Variants in CPED1 observed in about 807,000 individuals in gnomAD.
CPED1 encodes the protein cadherin-like and PC-esterase domain-containing protein 1.
Under a neutral mutation model 128.2 loss-of-function variants are expected in CPED1, and 114 were observed. The observed-to-expected ratio is 0.89, with a 90% CI of 0.76 to 1.04. The LOEUF (loss-of-function observed/expected upper bound fraction) is 1.04. Among genes scored for constraint, CPED1 ranks in the 50% least tolerant of loss-of-function variants. The pLI is 0.00. For synonymous variants in CPED1, 462 were observed against 426.7 expected (o/e 1.08, Z -1.02); for missense variants, 1,211 against 1,207.1 (o/e 1.00, Z -0.05).
intron 16 of CPED1, among the ~76,000 whole-genome samples, chr7:121,196,005 G>C (rs1037466827): frequency 5.9e-5 from 9 of 151,956 alleles, no homozygotes; most frequent in East Asian, 1.9e-4. Context: ...CTAGAAGGCC[G>C]GGGGGAGATG....
intron 7 of CPED1, among the ~76,000 whole-genome samples, chr7:121,114,065 C>T (rs888737174): frequency 1.4e-4 from 22 of 152,046 alleles, no homozygotes; most frequent in African/African-American, 4.1e-4. Context: ...CTCCTGACCT[C>T]GTGATCCACC....
chr7:121,244,082 A>T, intron 17 of CPED1, 120 bp from the exon 18 acceptor site: 4 of 1,168,058 alleles, frequency 3.4e-6, no homozygotes, highest in Non-Finnish European at 5.1e-6. Flanking sequence ...CACTAGATTT[A>T]AAGGATAAGG....
intron 16 of CPED1, among the ~76,000 whole-genome samples, chr7:121,214,720 T>A (rs764506320): frequency 1.3e-5 from 2 of 152,094 alleles, no homozygotes; most frequent in Non-Finnish European, 2.9e-5. Context: ...TGTTAGAATA[T>A]GTTTAAACTA....
chr7:121,073,597 C>G (rs754313712), intron 5 of CPED1, among the ~76,000 whole-genome samples: 11 of 152,166 alleles, frequency 7.2e-5, no homozygotes, highest in Non-Finnish European at 1.0e-4. Flanking sequence ...TTGTGTAATG[C>G]GAACCCTTCT....
intron 16 of CPED1, among the ~76,000 whole-genome samples, chr7:121,218,320 G>A (rs927345960): frequency 6.6e-6 from 1 of 151,830 alleles, no homozygotes; most frequent in Admixed American, 6.6e-5. Flanking sequence ...TTGTAGACAG[G>A]AAATGTCCAC....
At position 121,141,024 on chromosome 7, in the gene CPED1, T is replaced by C. The variant is rs1795890733; in HGVS notation, c.1886+11T>C. 2 of 1,601,446 alleles carry C rather than the reference T, an allele frequency of 1.2e-6. No individual in the cohort carries two copies. Among genetic ancestry groups the C allele is most frequent in the African/African-American group, 1.3e-5 (1 of 74,172 alleles). On this transcript the variant is annotated intron_variant, in intron 15 of 22. Transcript: ENST00000310396. ...GCAGGCAGGGCCAAGGTATGAGATG[T>C]TGACTGGGGCTGTGTTGAGACACTA... is the stretch of plus-strand genomic sequence containing the variant.
At chr7:121,284,483 T>C (rs1252075902) in intron 22 of CPED1, among the ~76,000 whole-genome samples, 1 of 152,080 alleles carries the variant, frequency 6.6e-6, no homozygotes, top group Non-Finnish European at 1.5e-5. Context: ...TAAAATCTCA[T>C]CTGAGACAAG....
At chr7:120,999,923 A>T (rs972164719) in intron 2 of CPED1, among the ~76,000 whole-genome samples, 6 of 152,192 alleles carry the variant, frequency 3.9e-5, no homozygotes, top group African/African-American at 1.4e-4. Context: ...GTATCAAAGA[A>T]TTAATCATTT....
In CPED1 at chr7:121,172,245, A is replaced by G. The variant is rs750288575; in HGVS notation, c.2055+30104A>G. Reference sequence around the variant, plus strand: ...ATAGCTTGAATGCTTGGAGAGACATATATTTATAGTATTACAGATAAATGA... The same window carrying G: ...ATAGCTTGAATGCTTGGAGAGACATGTATTTATAGTATTACAGATAAATGA... On this transcript the variant is annotated intron_variant, in intron 16 of 22. Transcript: ENST00000310396. Among the ~76,000 whole-genome samples, 30 of 152,276 alleles carry G rather than the reference A, an allele frequency of 2.0e-4. No homozygotes were observed. In the East Asian group the frequency reaches 5.8e-3, roughly 29 times the overall value.
At chr7:121,230,072 C>T (rs1053483858) in intron 16 of CPED1, among the ~76,000 whole-genome samples, 9 of 151,940 alleles carry the variant, frequency 5.9e-5, no homozygotes, top group Non-Finnish European at 1.3e-4. Flanking sequence ...AGGAAGATGA[C>T]GTTAGCAACA....
intron 3 of CPED1, among the ~76,000 whole-genome samples, chr7:121,023,242 G>C (rs1250584834): frequency 6.6e-6 from 1 of 152,092 alleles, no homozygotes; most frequent in Non-Finnish European, 1.5e-5. Flanking sequence ...TTTCTGGGAG[G>C]CCCTGTAGTA....
intron 7 of CPED1, among the ~76,000 whole-genome samples, chr7:121,112,692 A>C (rs1393060942): frequency 1.2e-4 from 18 of 152,076 alleles, no homozygotes; most frequent in Non-Finnish European, 2.4e-4. Flanking sequence ...TAAATATCTC[A>C]TTGGCCAAAG....
At chr7:121,113,875 C>T (rs1466812957) in intron 7 of CPED1, among the ~76,000 whole-genome samples, 1 of 151,996 alleles carries the variant, frequency 6.6e-6, no homozygotes, top group Non-Finnish European at 1.5e-5. Flanking sequence ...GTCGCCCAGG[C>T]TTGAGTGCAG....
At chr7:121,038,288 T>C (rs1792955451) in intron 3 of CPED1, among the ~76,000 whole-genome samples, 1 of 152,146 alleles carries the variant, frequency 6.6e-6, no homozygotes, top group East Asian at 1.9e-4. Context: ...GTAGACGGCT[T>C]TTAGTACCTT....
rs954970134 is a variant in CPED1, at chr7:121,133,352, G to T, written c.1578-471G>T. ...TAACTAACCCTTGCTATTCACTACT[G>T]TTAATTAGAGTTTAAGGGTAGAAGA... On this transcript the variant is annotated intron_variant, in intron 12 of 22. Transcript: ENST00000310396. Among the ~76,000 whole-genome samples the T allele has an allele frequency of 1.7e-4, 26 of 152,200 alleles. No individual in the cohort carries two copies. The Middle Eastern group carries it at 0.01, about 60-fold the overall frequency.
intron 2 of CPED1, among the ~76,000 whole-genome samples, chr7:121,008,076 TAA>T (rs1229917264): frequency 1.3e-5 from 2 of 152,076 alleles, no homozygotes; most frequent in Admixed American, 6.5e-5. Flanking sequence ...ATTCAGGTAG[TAA>T]AAGTCTCGCC....
chr7:121,008,195 C>A (rs1792073285), intron 2 of CPED1, among the ~76,000 whole-genome samples: 2 of 152,136 alleles, frequency 1.3e-5, no homozygotes, highest in South Asian at 4.1e-4. Context: ...TCCTTCCTGA[C>A]ATGGCTTTAG....
At chr7:121,020,535 A>G (rs1792413130) in intron 3 of CPED1, among the ~76,000 whole-genome samples, 1 of 152,004 alleles carries the variant, frequency 6.6e-6, no homozygotes, top group South Asian at 2.1e-4. Flanking sequence ...ATGTAACTTG[A>G]TGTCATACCA....
intron 18 of CPED1, among the ~76,000 whole-genome samples, chr7:121,259,542 AATGAT>A (rs1791963675): frequency 6.6e-6 from 1 of 152,104 alleles, no homozygotes; most frequent in African/African-American, 2.4e-5. Flanking sequence ...CTATGTATTA[AATGAT>A]ATGTTCACAC....
Sources: allele counts gnomAD v4.1 joint callset (sites outside exome capture counted in the v4.1 genomes callset), GRCh38; gene constraint gnomAD v4.1.1; transcripts MANE v1.5; gene names NCBI Gene and HGNC (gene_info 2026-07-23, HGNC 2026-07-21).